The following ADAMTSL2 variants were observed in gnomAD, a reference collection of about 807,000 sequenced individuals.
ADAMTSL2 encodes the protein ADAMTS like 2.
In ADAMTSL2, 55 loss-of-function variants were observed where a neutral mutation model predicts 117.0. The observed-to-expected ratio is 0.47, with a 90% CI of 0.38 to 0.59. The LOEUF (loss-of-function observed/expected upper bound fraction) is 0.59, where lower values mean the gene tolerates loss of function less well. ADAMTSL2 is among the 20% of genes least tolerant of loss of function. The probability of loss-of-function intolerance (pLI) is 0.00; values close to 1 mark genes in which losing one functional copy is unlikely to be tolerated. For synonymous variants in ADAMTSL2, 572 were observed against 566.4 expected (o/e 1.01, Z -0.14); for missense variants, 1,182 against 1,354.5 (o/e 0.87, Z 2.00).
chr9:133,547,681 C>T (rs769438017), intron 9 of ADAMTSL2, among the ~76,000 whole-genome samples: 6 of 152,140 alleles, frequency 3.9e-5, no homozygotes, highest in African/African-American at 7.2e-5. Context: ...CCCTACCCCA[C>T]GGTGGAGGGG....
chr9:133,542,696 G>A (rs1830253711), intron 7 of ADAMTSL2, among the ~76,000 whole-genome samples: 1 of 152,120 alleles, frequency 6.6e-6, no homozygotes, highest in African/African-American at 2.4e-5. Flanking sequence ...AGGTCACACA[G>A]CCACAAGAGG....
rs114039396 is a variant in ADAMTSL2 at position 133,537,868 on chromosome 9, G to A, written c.233+321G>A. On this transcript the variant is annotated intron_variant, in intron 3 of 18. Coordinates refer to ENST00000651351, the MANE Select transcript of ADAMTSL2 (RefSeq NM_014694.4). ...CTGAAGACCTGAGTGAGGGTCTTTA[G>A]AATATGCCAGGGAGCCCCGGGAGAA... is the stretch of plus-strand genomic sequence containing the variant. Among the ~76,000 whole-genome samples, 252 of 152,344 alleles carry A rather than the reference G, an allele frequency of 1.7e-3. 3 individuals carry two copies. The highest frequency in any genetic ancestry group is 5.9e-3 in the African/African-American group (244 of 41,580).
At chr9:133,567,845 A>G (rs34408811) in intron 13 of ADAMTSL2, among the ~76,000 whole-genome samples, 88,543 of 152,060 alleles carry the variant, frequency 0.58, 26,905 homozygotes, top group African/African-American at 0.69. Flanking sequence ...TCCGGGTCTC[A>G]CTCATAACCC....
chr9:133,534,683 G>GGCC, upstream of ADAMTSL2: 2 of 1,349,418 alleles, frequency 1.5e-6, no homozygotes, highest in Non-Finnish European at 1.9e-6. Context: ...CTATAAAGGC[G>GGCC]GCCGCCGGCG....
chr9:133,574,956 G>C lies in ADAMTSL2; in HGVS notation c.*92G>C, dbSNP rs62574238. 1 of 968,916 alleles carries C rather than the reference G, an allele frequency of 1.0e-6. No individual in the cohort carries two copies. The highest frequency in any genetic ancestry group is 1.6e-5 in the African/African-American group (1 of 61,956). The allele number at this position is 968,916 out of a possible 1,614,324, so 60.0% of individuals were successfully genotyped here. A position where few individuals can be genotyped will look rare whatever the true frequency, so the allele number is the denominator to read the frequency against. On this transcript the variant is annotated 3_prime_UTR_variant, in exon 19 of 19. Coordinates refer to ENST00000651351, the MANE Select transcript of ADAMTSL2 (RefSeq NM_014694.4). Reference sequence around the variant, plus strand: ...GGGCCTCCACAGACCCCCCTCCTGCGGGGCACGCTGGCCTAAGAGACGTGG... The same window carrying C: ...GGGCCTCCACAGACCCCCCTCCTGCCGGGCACGCTGGCCTAAGAGACGTGG...
At chr9:133,559,956 G>A (rs930943912) in intron 11 of ADAMTSL2, among the ~76,000 whole-genome samples, 1 of 152,166 alleles carries the variant, frequency 6.6e-6, no homozygotes, top group South Asian at 2.1e-4. Flanking sequence ...TCAAGGCAGC[G>A]TTCATCCCCA....
At position 133,575,116 on chromosome 9, in the gene ADAMTSL2, C is replaced by T. The variant is rs112953345; in HGVS notation, c.*252C>T. ...CCGTGGGAACCTGTCCGTGTTCCTG[C>T]GTGGATCCTGTGTTTGTGGCTCCCA... On this transcript the variant is annotated 3_prime_UTR_variant, in exon 19 of 19. Transcript: ENST00000651351. 2,328 of 540,508 alleles carry T rather than the reference C, an allele frequency of 4.3e-3. 40 individuals are homozygous for T. The highest frequency in any genetic ancestry group is 0.04 in the African/African-American group (2,081 of 52,632). 33.5% of individuals were successfully genotyped at this position (540,508 alleles called of 1,614,324 possible). A position where few individuals can be genotyped will look rare whatever the true frequency, so the allele number is the denominator to read the frequency against.
In ADAMTSL2 at chr9:133,534,864, C is replaced by T. The variant is rs1588271733; in HGVS notation, c.-204C>T. 1.3e-6 allele frequency: 2 copies of T among 1,485,312 alleles called. No homozygotes were observed. Among genetic ancestry groups the T allele is most frequent in the South Asian group, 1.3e-5 (1 of 77,256 alleles). 92.0% of individuals were successfully genotyped at this position (1,485,312 alleles called of 1,614,324 possible). A position where few individuals can be genotyped will look rare whatever the true frequency, so the allele number is the denominator to read the frequency against. On this transcript the variant is annotated 5_prime_UTR_variant, in exon 1 of 19. Coordinates refer to ENST00000651351, the MANE Select transcript of ADAMTSL2 (RefSeq NM_014694.4). ...CACAGCGCACCTGGCGCCGTCTGCC[C>T]TCCGCAGCGCTCGCCCCTTTCTCTG...
At chr9:133,560,816 G>A (rs1830709736) in intron 11 of ADAMTSL2, among the ~76,000 whole-genome samples, 1 of 152,192 alleles carries the variant, frequency 6.6e-6, no homozygotes, top group Admixed American at 6.5e-5. Context: ...CTCCCCGGTG[G>A]GAAGAAGGAA....
intron 11 of ADAMTSL2, among the ~76,000 whole-genome samples, chr9:133,556,405 A>C (rs1830606354): frequency 3.3e-5 from 5 of 152,192 alleles, no homozygotes; most frequent in African/African-American, 1.2e-4. Flanking sequence ...CCTTAGTTTT[A>C]AGCCTGGACA....
At chr9:133,564,571 AGG>A (rs1427983618) in intron 12 of ADAMTSL2, among the ~76,000 whole-genome samples, 3 of 94,270 alleles carry the variant, frequency 3.2e-5, no homozygotes, top group African/African-American at 1.3e-4. Flanking sequence ...AGAGAGGGAG[AGG>A]GAGAGAGAAG....
chr9:133,553,954 A>G (rs1457361754), intron 9 of ADAMTSL2, among the ~76,000 whole-genome samples: 3 of 152,250 alleles, frequency 2.0e-5, no homozygotes, highest in Non-Finnish European at 4.4e-5. Context: ...GGGTGGTGGG[A>G]GAGGGACACC....
intron 10 of ADAMTSL2, among the ~76,000 whole-genome samples, chr9:133,555,271 G>A (rs1466927535): frequency 1.4e-5 from 2 of 138,450 alleles, no homozygotes; most frequent in African/African-American, 2.6e-5. Flanking sequence ...TATTTCCAAA[G>A]AAGATCACAC....
chr9:133,532,962 C>T (rs940776601), upstream of ADAMTSL2, among the ~76,000 whole-genome samples: 6 of 152,140 alleles, frequency 3.9e-5, no homozygotes, highest in Admixed American at 1.3e-4. Context: ...TTGTGTTGGT[C>T]GGCTGTGGGG....
At chr9:133,563,416 A>C (rs2131160253) in intron 12 of ADAMTSL2, among the ~76,000 whole-genome samples, 1 of 152,304 alleles carries the variant, frequency 6.6e-6, no homozygotes, top group South Asian at 2.1e-4. Context: ...GGGGACTCCA[A>C]GCGTGTGGGC....
Position 133,554,545 on chromosome 9 carries a change from A to G in ADAMTSL2, c.1128A>G (p.Ser376=). ...HNGSLYGQAS[S]ERLGLDNRLF... is the part of the protein sequence containing the mutation. ...GCTCCCTCTACGGCCAGGCCTCCTCAGAGCGGCTGGGCCTGGACAACCGGC... is the reference window on the plus strand; with the variant it reads ...GCTCCCTCTACGGCCAGGCCTCCTCGGAGCGGCTGGGCCTGGACAACCGGC... The change falls in exon 10 of 19, where the codon TCA becomes TCG. Residue 376 remains serine (S), a synonymous_variant. Transcript: ENST00000651351. The surrounding 1 kb of genome is among the most constrained non-coding windows in gnomAD (Gnocchi z 5.2). The G allele has an allele frequency of 6.5e-7, 1 of 1,549,146 alleles. No individual in the cohort carries two copies. The highest frequency in any genetic ancestry group is 8.7e-7 in the Non-Finnish European group (1 of 1,147,190).
intron 13 of ADAMTSL2, among the ~76,000 whole-genome samples, chr9:133,567,957 A>T (rs1831013118): frequency 6.6e-6 from 1 of 151,526 alleles, no homozygotes; most frequent in African/African-American, 2.4e-5. Flanking sequence ...GCTCACTTCC[A>T]CCCTTGCCAG....
At chr9:133,532,990 C>T (rs1036434539), upstream of ADAMTSL2, among the ~76,000 whole-genome samples, 2 of 152,170 alleles carry the variant, frequency 1.3e-5, no homozygotes, top group Non-Finnish European at 2.9e-5. Context: ...CAAGGGAAAC[C>T]GTTAGTCACC....
At position 133,558,571 on chromosome 9, in the gene ADAMTSL2, T is replaced by C. The variant is rs1830659298; in HGVS notation, c.1650-2627T>C. Among the ~76,000 whole-genome samples, 2 of 152,188 alleles carry C rather than the reference T, an allele frequency of 1.3e-5. No individual in the cohort carries two copies. The highest frequency in any genetic ancestry group is 4.8e-5 in the African/African-American group (2 of 41,448). ...AACAGAGCACTTTCTGGCTTGTTTA[T>C]AAACAAACACGGTGGCTTCAGAGCT... On this transcript the variant is annotated intron_variant, in intron 11 of 18. Transcript: ENST00000651351. This position sits in a 1 kb window ranked among gnomAD's most constrained non-coding sequence, Gnocchi z 4.3.
Sources: allele counts gnomAD v4.1 joint callset (sites outside exome capture counted in the v4.1 genomes callset), GRCh38; gene constraint gnomAD v4.1.1; non-coding constraint Gnocchi (gnomAD v3.1); transcripts MANE v1.5; gene names NCBI Gene and HGNC (gene_info 2026-07-23, HGNC 2026-07-21).